The following GSN variants were observed in gnomAD, a reference collection of about 807,000 sequenced individuals.
GSN encodes the protein gelsolin, also known as actin-depolymerizing factor.
GSN carries 56 observed loss-of-function variants against 85.7 expected under a neutral mutation model. The ratio of observed to expected loss-of-function variants is 0.65; its 90% CI spans 0.53 to 0.82. The LOEUF (loss-of-function observed/expected upper bound fraction) is 0.82, where lower values mean the gene tolerates loss of function less well. Among genes scored for constraint, GSN ranks in the 40% least tolerant of loss-of-function variants. The pLI, the probability that GSN is intolerant of heterozygous loss-of-function variation, is 0.00. For missense variants in GSN, 857 were observed against 979.8 expected, an observed-to-expected ratio of 0.87 and a Z score of 1.67; for synonymous variants, 373 against 399.1, an observed-to-expected ratio of 0.93 and a Z score of 0.78.
At chr9:121,207,040 A>G (rs985053340), upstream of GSN, among the ~76,000 whole-genome samples, 12 of 152,240 alleles carry the variant, frequency 7.9e-5, no homozygotes, top group Admixed American at 1.3e-4. Context: ...ACTTATTCAG[A>G]AAAAGGGAAG....
At position 121,223,567 on chromosome 9, in the gene GSN, G is replaced by A. The variant is rs9409232; in HGVS notation, c.-527-7598G>A. On this transcript the variant is annotated intron_variant, in intron 4 of 24. Coordinates refer to the GSN transcript ENST00000373823. The stretch of plus-strand genomic sequence containing the variant: ...CTAATATTTGGGGAATGCTTACTCC[G>A]GGAGTGTCAGGCACTGTTTTAAGTA... Among the ~76,000 whole-genome samples the A allele has an allele frequency of 1.9e-3, 288 of 152,146 alleles. 3 individuals are homozygous for A. The highest frequency in any genetic ancestry group is 3.5e-3 in the Non-Finnish European group (235 of 67,996).
rs905314534 is a variant in GSN at position 121,328,764 on chromosome 9, T to G, written c.1763-127T>G. On this transcript the variant is annotated intron_variant, in intron 14 of 17. Transcript: ENST00000432226. ...CTCTTCCCTCTGGATCTCCTGGGAT[T>G]TTTAGGATGGAGGGAGGAGAGGGAG... The G allele has an allele frequency of 2.3e-5, 23 of 1,015,824 alleles. No homozygotes were observed. In the African/African-American group the frequency reaches 3.3e-4, roughly 15 times the overall value. The allele number at this position is 1,015,824 out of a possible 1,614,324, so 62.9% of individuals were successfully genotyped here.
chr9:121,214,539 C>G (rs2054024902), intron 4 of GSN, among the ~76,000 whole-genome samples: 1 of 152,176 alleles, frequency 6.6e-6, no homozygotes, highest in Admixed American at 6.5e-5. Context: ...ATAATAAATA[C>G]TAGTTTATCC....
At chr9:121,265,829 A>G (rs1017793527), upstream of GSN, 2 of 152,256 alleles carry the variant, frequency 1.3e-5, no homozygotes, top group South Asian at 4.1e-4. Flanking sequence ...GTATCTAGAA[A>G]GGAATGAAGA....
intron 1 of GSN, among the ~76,000 whole-genome samples, chr9:121,277,437 T>G (rs1195785410): frequency 6.6e-6 from 1 of 151,930 alleles, no homozygotes; most frequent in Non-Finnish European, 1.5e-5. Context: ...GATCACACTT[T>G]CAGTTGCAAG....
chr9:121,212,121 CTA>C (rs2053979588), intron 4 of GSN, among the ~76,000 whole-genome samples: 1 of 152,150 alleles, frequency 6.6e-6, no homozygotes, highest in Non-Finnish European at 1.5e-5. Context: ...GGGGAAGAGA[CTA>C]TGGATGCCTT....
At chr9:121,234,302 G>A (rs1383932235) in intron 5 of GSN, among the ~76,000 whole-genome samples, 1 of 152,180 alleles carries the variant, frequency 6.6e-6, no homozygotes, top group East Asian at 1.9e-4. Context: ...AAGGCTATTG[G>A]GAGACACTTT....
intron 1 of GSN, among the ~76,000 whole-genome samples, chr9:121,275,493 G>A (rs78288465): frequency 0.04 from 6,021 of 152,256 alleles, 428 homozygotes; most frequent in African/African-American, 0.14. Flanking sequence ...GAGAAGAAAC[G>A]GCCATGTTTC....
rs796956623 is a variant in GSN, at chr9:121,278,051, CTT to C, written c.-102-3406_-102-3405del. On this transcript the variant is annotated intron_variant, in intron 1 of 17. Coordinates refer to ENST00000432226, the MANE Select transcript of GSN (RefSeq NM_198252.3). ...TAGAGTACCCAAAGATTTGCATGTT[CTT>C]TTTTTTTTTTTTCTAGTCAGCAAGA... Among the ~76,000 whole-genome samples, 373 of 142,356 alleles carry C rather than the reference CTT, an allele frequency of 2.6e-3. 2 individuals are homozygous for C. Among genetic ancestry groups the C allele is most frequent in the Middle Eastern group, 3.7e-3 (1 of 270 alleles). 93.4% of individuals were successfully genotyped at this position (142,356 alleles called of 152,430 possible).
At chr9:121,219,462 C>G (rs1299639950) in intron 4 of GSN, among the ~76,000 whole-genome samples, 1 of 152,078 alleles carries the variant, frequency 6.6e-6, no homozygotes, top group African/African-American at 2.4e-5. Flanking sequence ...AGCGTTGACA[C>G]AGGAGAACAG....
Position 121,318,413 on chromosome 9 carries a change from G to A in GSN, c.894G>A (p.Gln298=), listed in dbSNP as rs2061967780. ...DGKIFVWKGK[Q]ANTEERKAAL... is the part of the protein sequence containing the mutation. ...TCCTCTGGCTGCCAACAGGCAAGCA[G>A]GCAAACACGGAGGAGAGGAAGGCTG... The change falls in exon 9 of 18, where the codon CAG becomes CAA. Residue 298 remains glutamine, a synonymous_variant. Transcript: ENST00000432226. This position sits in a 1 kb window ranked among gnomAD's most constrained non-coding sequence, Gnocchi z 4.3. 2 of 1,614,062 alleles carry A rather than the reference G, an allele frequency of 1.2e-6. No individual in the cohort carries two copies. Among genetic ancestry groups the A allele is most frequent in the Non-Finnish European group, 1.7e-6 (2 of 1,179,918 alleles).
intron 6 of GSN, among the ~76,000 whole-genome samples, chr9:121,259,192 A>G (rs1421054814): frequency 6.6e-6 from 1 of 152,250 alleles, no homozygotes; most frequent in East Asian, 1.9e-4. Flanking sequence ...CTCGAAGTCT[A>G]GTGTGGGAGA....
At chr9:121,210,117 A>T (rs569703151) in intron 2 of GSN, 1 of 152,366 alleles carries the variant, frequency 6.6e-6, no homozygotes, top group African/African-American at 2.4e-5. Context: ...TTTACTGTGT[A>T]AGAAATGACT....
chr9:121,308,607 G>A (rs576354939), intron 4 of GSN: 2 of 152,362 alleles, frequency 1.3e-5, no homozygotes, highest in African/African-American at 4.8e-5. Flanking sequence ...TGGAACCCAG[G>A]AGGTGGAGGC....
At chr9:121,249,587 C>T (rs1170102527) in intron 6 of GSN, among the ~76,000 whole-genome samples, 3 of 152,166 alleles carry the variant, frequency 2.0e-5, no homozygotes, top group Non-Finnish European at 4.4e-5. Context: ...GGATATATTT[C>T]TATTTATCTA....
intron 4 of GSN, among the ~76,000 whole-genome samples, chr9:121,221,722 C>G (rs566805223): frequency 8.3e-4 from 127 of 152,260 alleles, no homozygotes; most frequent in Non-Finnish European, 1.4e-3. Context: ...TCTTCCAGGG[C>G]TGACATTCTC....
At chr9:121,287,514 T>G (rs2058257758) in intron 2 of GSN, among the ~76,000 whole-genome samples, 1 of 151,992 alleles carries the variant, frequency 6.6e-6, no homozygotes, top group African/African-American at 2.4e-5. Flanking sequence ...CCTTGGGTGA[T>G]CCTGCTGCAC....
intron 5 of GSN, among the ~76,000 whole-genome samples, chr9:121,236,369 G>A (rs974995183): frequency 6.6e-5 from 10 of 151,826 alleles, no homozygotes; most frequent in Non-Finnish European, 1.2e-4. Flanking sequence ...ACTGATACAC[G>A]CTACCACGGC....
At chr9:121,226,089 C>A (rs1338542306) in intron 4 of GSN, among the ~76,000 whole-genome samples, 1 of 152,232 alleles carries the variant, frequency 6.6e-6, no homozygotes, top group Non-Finnish European at 1.5e-5. Context: ...CAGGCGTGAG[C>A]CACTGCGCCC....
Sources: allele counts gnomAD v4.1 joint callset (sites outside exome capture counted in the v4.1 genomes callset), GRCh38; gene constraint gnomAD v4.1.1; non-coding constraint Gnocchi (gnomAD v3.1); transcripts MANE v1.5; gene names NCBI Gene and HGNC (gene_info 2026-07-23, HGNC 2026-07-21).